AQR: variants seen among roughly 807,000 people sequenced by gnomAD.
The protein encoded by AQR is RNA helicase aquarius.
Under a neutral mutation model 180.5 loss-of-function variants are expected in AQR, and 61 were observed. That is an observed-to-expected ratio of 0.34 (90% CI 0.28 to 0.42). The LOEUF is 0.42. Among genes scored for constraint, AQR ranks in the 10% least tolerant of loss-of-function variants. AQR has a pLI of 1.00. For synonymous variants in AQR, 551 were observed against 588.8 expected, an observed-to-expected ratio of 0.94 and a Z score of 0.93; for missense variants, 1,281 against 1,798.3, an observed-to-expected ratio of 0.71 and a Z score of 5.20.
Position 34,910,316 on chromosome 15 carries a change from G to A in AQR, c.1485-3C>T. On this transcript the variant is annotated splice_polypyrimidine_tract_variant and splice_region_variant and intron_variant, in intron 16 of 34. Transcript: ENST00000156471. Reference sequence around the variant, plus strand: ...CTACACCGCCATATTCAGATTGCCTGAAACCAAAGAAATGGATGATTACTC... The same window carrying A: ...CTACACCGCCATATTCAGATTGCCTAAAACCAAAGAAATGGATGATTACTC... 1 of 1,609,936 alleles carries A rather than the reference G, an allele frequency of 6.2e-7. No individual in the cohort carries two copies.
intron 24 of AQR, among the ~76,000 whole-genome samples, chr15:34,889,681 T>C (rs956028219): frequency 6.1e-4 from 93 of 151,258 alleles, no homozygotes; most frequent in Admixed American, 1.1e-3. Flanking sequence ...TTTGCATTCT[T>C]TTTTTTTTGA....
intron 23 of AQR, among the ~76,000 whole-genome samples, chr15:34,891,022 C>T (rs750023326): frequency 2.0e-5 from 3 of 152,054 alleles, no homozygotes; most frequent in African/African-American, 4.8e-5. Context: ...AAAAATAAGC[C>T]GCCATTCAAA....
chr15:34,871,406 C>T (rs912211147), intron 30 of AQR, among the ~76,000 whole-genome samples: 6 of 150,346 alleles, frequency 4.0e-5, no homozygotes, highest in African/African-American at 1.2e-4. Context: ...ACTCTGGAGA[C>T]TGAGGTGGGG....
intron 6 of AQR, chr15:34,943,329 A>T (rs763492654): frequency 1.3e-6 from 2 of 1,508,802 alleles, no homozygotes; most frequent in South Asian, 2.2e-5. Context: ...AATGCTGGCT[A>T]TTAAAAGATG....
chr15:34,936,218 A>C (rs1283451667), intron 9 of AQR, among the ~76,000 whole-genome samples: 2 of 152,148 alleles, frequency 1.3e-5, no homozygotes, highest in African/African-American at 4.8e-5. Flanking sequence ...CCAACAACTC[A>C]TCTGGGCATT....
At chr15:34,896,822 A>C (rs1200700433) in intron 22 of AQR, 75 bp downstream of exon 22, 1 of 1,347,100 alleles carries the variant, frequency 7.4e-7, no homozygotes, top group East Asian at 2.3e-5. Flanking sequence ...GCACTCCGGC[A>C]TGGGCAACAA....
chr15:34,922,065 G>A (rs1012880837), intron 13 of AQR, among the ~76,000 whole-genome samples: 4 of 152,184 alleles, frequency 2.6e-5, no homozygotes, highest in African/African-American at 9.7e-5. Flanking sequence ...GCCTGCCTTG[G>A]CCTCCCAAAG....
intron 5 of AQR, 114 bp from the exon 6 acceptor site, chr15:34,944,542 G>C: frequency 9.4e-7 from 1 of 1,065,974 alleles, no homozygotes. Flanking sequence ...TTACAAAAGG[G>C]TTATTTGTAT....
chr15:34,868,438 A>G (rs1394474248), intron 31 of AQR: 3 of 152,328 alleles, frequency 2.0e-5, no homozygotes, highest in East Asian at 3.9e-4. Context: ...CTTTTCATCA[A>G]TTTGACAAAA....
chr15:34,890,423 A>T (rs1043293404), intron 23 of AQR, 99 bp from the exon 24 acceptor site: 10 of 893,166 alleles, frequency 1.1e-5, no homozygotes, highest in Non-Finnish European at 1.6e-5. Flanking sequence ...AATCAGCCTT[A>T]TATTAGGCCA....
intron 4 of AQR, among the ~76,000 whole-genome samples, chr15:34,950,032 A>T: frequency 6.8e-6 from 1 of 146,148 alleles, no homozygotes; most frequent in African/African-American, 2.5e-5. Context: ...TAGCCTCCAC[A>T]TACCTTATTT....
At chr15:34,892,808 A>T (rs1196104820) in intron 23 of AQR, among the ~76,000 whole-genome samples, 4 of 152,248 alleles carry the variant, frequency 2.6e-5, no homozygotes, top group Admixed American at 2.6e-4. Flanking sequence ...TGAAATGTTG[A>T]CTATCTCATA....
intron 33 of AQR, among the ~76,000 whole-genome samples, chr15:34,861,196 A>C (rs1437467634): frequency 1.3e-5 from 2 of 152,260 alleles, no homozygotes; most frequent in Admixed American, 1.3e-4. Context: ...TAGTAAATTA[A>C]ACAACATTTC....
intron 4 of AQR, among the ~76,000 whole-genome samples, chr15:34,951,304 G>A (rs1036251751): frequency 6.6e-6 from 1 of 152,060 alleles, no homozygotes; most frequent in African/African-American, 2.4e-5. Flanking sequence ...AGTTGGCCCA[G>A]GGAAAATGAT....
chr15:34,910,606 T>G (rs1047044980), intron 16 of AQR, among the ~76,000 whole-genome samples: 1 of 152,132 alleles, frequency 6.6e-6, no homozygotes, highest in African/African-American at 2.4e-5. Context: ...GCTAACCCTA[T>G]GTACATAAGA....
chr15:34,919,397 T>A (rs1413942840), intron 14 of AQR, among the ~76,000 whole-genome samples: 1 of 152,174 alleles, frequency 6.6e-6, no homozygotes, highest in East Asian at 1.9e-4. Flanking sequence ...AACTTTTTGA[T>A]CATAAATTGA....
chr15:34,910,261 G>A lies in AQR; in HGVS notation c.1537C>T (p.Pro513Ser). Reference sequence around the variant, plus strand: ...TCAACGACAGTGAAAGCCACAATGGGCTGGGCCATTCGCGCCCAACCACCA... The same window carrying A: ...TCAACGACAGTGAAAGCCACAATGGACTGGGCCATTCGCGCCCAACCACCA... ...VFGGWARMAQ[P>S]IVAFTVVEVA... is the part of the protein sequence containing the mutation. The change falls in exon 17 of 35, where the codon CCC becomes TCC. Residue 513 changes from proline (P) to serine (S), a missense_variant. By Grantham distance (74) the Pro-to-Ser change is moderately conservative. Around this residue, in one of 9 missense-constraint regions of AQR, gnomAD observed 200 missense variants for 293.4 expected, o/e 0.68. Coordinates refer to ENST00000156471, the MANE Select transcript of AQR (RefSeq NM_014691.3). 11 of 1,614,184 alleles carry A rather than the reference G, an allele frequency of 6.8e-6. No individual in the cohort carries two copies. Among genetic ancestry groups the A allele is most frequent in the Non-Finnish European group, 9.3e-6 (11 of 1,180,034 alleles).
At chr15:34,914,123 A>G (rs1893542397) in intron 16 of AQR, among the ~76,000 whole-genome samples, 2 of 152,232 alleles carry the variant, frequency 1.3e-5, no homozygotes, top group South Asian at 4.1e-4. Flanking sequence ...AAAATGCAGT[A>G]TAATCGTGTA....
At chr15:34,858,347 C>T (rs1470006755) in intron 34 of AQR, among the ~76,000 whole-genome samples, 2 of 129,722 alleles carry the variant, frequency 1.5e-5, no homozygotes, top group Admixed American at 7.5e-5. Flanking sequence ...AAAAAGAAAA[C>T]GAAAAAGAAA....
Sources: allele counts gnomAD v4.1 joint callset (sites outside exome capture counted in the v4.1 genomes callset), GRCh38; gene constraint gnomAD v4.1.1; regional missense constraint gnomAD v4.1.1; transcripts MANE v1.5; gene names NCBI Gene and HGNC (gene_info 2026-07-23, HGNC 2026-07-21).